The following LIMA1 variants were observed in gnomAD, a reference collection of about 807,000 sequenced individuals.
LIMA1 encodes the protein LIM domain and actin-binding protein 1.
LIMA1 carries 52 observed loss-of-function variants against 62.6 expected under a neutral mutation model. That is an observed-to-expected ratio of 0.83 (90% CI 0.67 to 1.05). The LOEUF (loss-of-function observed/expected upper bound fraction) is 1.05. LIMA1 is among the 50% of genes least tolerant of loss of function. The pLI, the probability that LIMA1 is intolerant of heterozygous loss-of-function variation, is 0.00. For missense variants in LIMA1, 780 were observed against 902.2 expected, an observed-to-expected ratio of 0.86 and a Z score of 1.74; for synonymous variants, 302 against 317.8, an observed-to-expected ratio of 0.95 and a Z score of 0.53.
chr12:50,228,049 G>A (rs1375287269), intron 3 of LIMA1, among the ~76,000 whole-genome samples: 2 of 151,854 alleles, frequency 1.3e-5, no homozygotes, highest in South Asian at 2.1e-4. Flanking sequence ...TAGTAGAGAC[G>A]GGGTTTCACC....
chr12:50,237,411 C>A, intron 2 of LIMA1, among the ~76,000 whole-genome samples: 1 of 152,014 alleles, frequency 6.6e-6, no homozygotes. Flanking sequence ...CCAAGGCGGG[C>A]GGATCTCCTG....
At position 50,204,663 on chromosome 12, in the gene LIMA1, AT is replaced by A. The variant is rs759104087; in HGVS notation, c.752del (p.Asn251MetfsTer17). On this transcript the variant is annotated frameshift_variant, in exon 6 of 11. Transcript: ENST00000341247. LOFTEE classifies it high-confidence loss of function. Reference protein sequence around the residue: ...LSSSTFDSEKNESRRNLELPR... With the variant: ...LSSSTFDSEKXESRRNLELPR... ...GAAGTTCCAGATTTCGTCTACTCTC[AT>A]TTTTCTCCGAGTCAAATGTAGAAGA... 1 of 1,614,140 alleles carries A rather than the reference AT, an allele frequency of 6.2e-7. No homozygotes were observed. Among genetic ancestry groups the A allele is most frequent in the Non-Finnish European group, 8.5e-7 (1 of 1,180,012 alleles).
Position 50,177,061 on chromosome 12 carries a change from T to C in LIMA1, c.*3A>G, listed in dbSNP as rs1336017651. 1 of 1,541,172 alleles carries C rather than the reference T, an allele frequency of 6.5e-7. No homozygotes were observed. The highest frequency in any genetic ancestry group is 2.1e-5 in the Admixed American group (1 of 48,200). On this transcript the variant is annotated 3_prime_UTR_variant, in exon 11 of 11. Transcript: ENST00000341247. ...ATTTAAGGCCCAGCATCATTGCAAT[T>C]TGTCACTCTTCATCCTCATCCTCAT...
intron 3 of LIMA1, among the ~76,000 whole-genome samples, chr12:50,226,557 T>G (rs1941530877): frequency 6.6e-6 from 1 of 152,038 alleles, no homozygotes; most frequent in African/African-American, 2.4e-5. Context: ...AAAAAAAGAT[T>G]TCACTGGGCG....
intron 1 of LIMA1, among the ~76,000 whole-genome samples, chr12:50,280,142 G>A (rs903823427): frequency 2.7e-4 from 26 of 95,890 alleles, no homozygotes; most frequent in Non-Finnish European, 4.6e-4. Context: ...CAGGGTAGTA[G>A]TATTTTTTTT....
Position 50,177,445 on chromosome 12 carries a change from C to G in LIMA1, c.1899G>C (p.Arg633Ser). The G allele has an allele frequency of 3.7e-6, 6 of 1,614,116 alleles. No homozygotes were observed. The highest frequency in any genetic ancestry group is 5.1e-6 in the Non-Finnish European group (6 of 1,180,038). ...AAGCCTTGGCATTTTCCACTTGTTT[C>G]CTTTCTGCAACTCTTCCACCCACAG... is the stretch of plus-strand genomic sequence containing the variant. ...EESVGGRVAE[R>S]KQVENAKASK... The change falls in exon 11 of 11, where the codon AGG (arginine) becomes AGC (serine). Residue 633 changes from arginine (R) to serine (S), a missense_variant. By Grantham distance (110) the Arg-to-Ser change is moderately radical. Transcript: ENST00000341247.
At chr12:50,213,441 T>C (rs576493206) in intron 4 of LIMA1, among the ~76,000 whole-genome samples, 218 of 152,390 alleles carry the variant, frequency 1.4e-3, no homozygotes, top group African/African-American at 5.0e-3. Context: ...CCACATGCCA[T>C]GGGGCATATC....
chr12:50,224,790 T>C (rs1228003462), intron 3 of LIMA1, among the ~76,000 whole-genome samples: 1 of 152,020 alleles, frequency 6.6e-6, no homozygotes, highest in Non-Finnish European at 1.5e-5. Context: ...AATGCAGTGG[T>C]GTAATCATAG....
At chr12:50,251,792 C>T (rs1941934562) in intron 1 of LIMA1, among the ~76,000 whole-genome samples, 1 of 152,168 alleles carries the variant, frequency 6.6e-6, no homozygotes, top group African/African-American at 2.4e-5. Flanking sequence ...TTTTGGTATA[C>T]AGCTAGGAGA....
intron 2 of LIMA1, 28 bp downstream of exon 2, chr12:50,248,605 G>A (rs746819009): frequency 5.8e-6 from 8 of 1,368,302 alleles, no homozygotes; most frequent in Non-Finnish European, 7.3e-6. Context: ...CAGACAGATG[G>A]TCCTTTTGGA....
At chr12:50,199,012 C>T (rs746870904) in intron 7 of LIMA1, among the ~76,000 whole-genome samples, 9 of 152,164 alleles carry the variant, frequency 5.9e-5, no homozygotes, top group Non-Finnish European at 1.2e-4. Context: ...CCTATGTGTA[C>T]CTCATGCTCC....
At chr12:50,212,831 T>C (rs1425321179) in intron 4 of LIMA1, among the ~76,000 whole-genome samples, 3 of 152,216 alleles carry the variant, frequency 2.0e-5, no homozygotes, top group Non-Finnish European at 4.4e-5. Flanking sequence ...TTTATTTTTT[T>C]TGAGACAAAG....
At position 50,280,192 on chromosome 12, in the gene LIMA1, T is replaced by C. The variant is rs2138719513; in HGVS notation, c.-24+3228A>G. Among the ~76,000 whole-genome samples, 3 of 135,962 alleles carry C rather than the reference T, an allele frequency of 2.2e-5. 1 individual carries two copies. The highest frequency in any genetic ancestry group is 8.4e-5 in the African/African-American group (3 of 35,694). The allele number at this position is 135,962 out of a possible 152,430, so 89.2% of individuals were successfully genotyped here. On this transcript the variant is annotated intron_variant, in intron 1 of 10. Transcript: ENST00000341247. ...TTTTTTGAGACGGAGTCTCACTCTG[T>C]CACGCAGGCTGGAGTGCAGTGGCGC...
chr12:50,261,492 T>C (rs1942072837), intron 1 of LIMA1, among the ~76,000 whole-genome samples: 2 of 151,986 alleles, frequency 1.3e-5, no homozygotes, highest in Non-Finnish European at 2.9e-5. Context: ...AGCACACTAC[T>C]CCCCCCGAGG....
intron 1 of LIMA1, among the ~76,000 whole-genome samples, chr12:50,249,238 C>T (rs1323765318): frequency 2.6e-5 from 4 of 152,264 alleles, no homozygotes; most frequent in Non-Finnish European, 5.9e-5. Flanking sequence ...GAGCTGGGGG[C>T]GCAGCGTGGT....
intron 9 of LIMA1, chr12:50,190,045 TCTCA>T (rs1264224221): frequency 2.0e-5 from 2 of 98,348 alleles, no homozygotes; most frequent in African/African-American, 4.1e-5. Context: ...TGAGATGGAA[TCTCA>T]CTCTGTCACA....
At chr12:50,252,283 A>G (rs547684144) in intron 1 of LIMA1, among the ~76,000 whole-genome samples, 3 of 152,262 alleles carry the variant, frequency 2.0e-5, no homozygotes, top group African/African-American at 7.2e-5. Context: ...GAGAAGTTGA[A>G]GATAGACAAG....
At chr12:50,213,749 G>C (rs1329941453) in intron 4 of LIMA1, among the ~76,000 whole-genome samples, 1 of 152,154 alleles carries the variant, frequency 6.6e-6, no homozygotes, top group Non-Finnish European at 1.5e-5. Context: ...TATTTGTACT[G>C]GGGGGAGATG....
chr12:50,191,582 G>A (rs1041027178), intron 9 of LIMA1, among the ~76,000 whole-genome samples: 1 of 152,122 alleles, frequency 6.6e-6, no homozygotes, highest in Non-Finnish European at 1.5e-5. Flanking sequence ...AGCACTTTGG[G>A]AGGCCAAGGC....
Sources: allele counts gnomAD v4.1 joint callset (sites outside exome capture counted in the v4.1 genomes callset), GRCh38; gene constraint gnomAD v4.1.1; transcripts MANE v1.5; gene names NCBI Gene and HGNC (gene_info 2026-07-23, HGNC 2026-07-21).